Variants in KCNJ3 observed in about 807,000 individuals in gnomAD.
KCNJ3 encodes potassium inwardly rectifying channel subfamily J member 3, also known as G protein-activated inward rectifier potassium channel 1.
In KCNJ3, 4 loss-of-function variants were observed where a neutral mutation model predicts 39.2. That is an observed-to-expected ratio of 0.10 (90% confidence interval 0.05 to 0.23). KCNJ3 has a LOEUF of 0.23. KCNJ3 is among the 10% of genes least tolerant of loss of function. The pLI is 1.00. For missense variants in KCNJ3, 276 were observed against 634.9 expected (o/e 0.43, Z 6.08); for synonymous variants, 230 against 237.4 (o/e 0.97, Z 0.29).
intron 2 of KCNJ3, among the ~76,000 whole-genome samples, chr2:154,724,917 G>GTATATATGTATATATATATATATA (rs1685325513): frequency 8.6e-6 from 1 of 116,316 alleles, no homozygotes; most frequent in African/African-American, 3.5e-5. Context: ...TACATATGAG[G>GTATATATGTATATATATATATATA]TATATATATA....
chr2:154,773,585 C>T (rs1185479512), intron 2 of KCNJ3, among the ~76,000 whole-genome samples: 1 of 152,070 alleles, frequency 6.6e-6, no homozygotes, highest in Non-Finnish European at 1.5e-5. Flanking sequence ...GACGATTAAG[C>T]CAGTGTCATG....
chr2:154,824,768 A>C (rs745331606), intron 2 of KCNJ3, among the ~76,000 whole-genome samples: 2 of 152,188 alleles, frequency 1.3e-5, no homozygotes, highest in Non-Finnish European at 2.9e-5. Flanking sequence ...CCAGAAGAAA[A>C]GAATGTTGCA....
chr2:154,752,815 A>T (rs1336513421), intron 2 of KCNJ3, among the ~76,000 whole-genome samples: 2 of 152,092 alleles, frequency 1.3e-5, no homozygotes, highest in Non-Finnish European at 1.5e-5. Context: ...GAACACTATA[A>T]GTAAAGGAAG....
Position 154,699,631 on chromosome 2 carries a change from C to A in KCNJ3, c.702+154C>A. 1 of 654,840 alleles carries A rather than the reference C, an allele frequency of 1.5e-6. No individual in the cohort carries two copies. The highest frequency in any genetic ancestry group is 1.9e-6 in the Non-Finnish European group (1 of 527,840). 40.6% of individuals were successfully genotyped at this position (654,840 alleles called of 1,614,324 possible). Reference sequence around the variant, plus strand: ...GGGGGTTGGGGGTTGGAGGACTGGGCAAAGAATGCGGTTGACAGTTCTGTT... The same window carrying A: ...GGGGGTTGGGGGTTGGAGGACTGGGAAAAGAATGCGGTTGACAGTTCTGTT... On this transcript the variant is annotated intron_variant, in intron 1 of 2. Coordinates refer to ENST00000295101, the MANE Select transcript of KCNJ3 (RefSeq NM_002239.4). The surrounding 1 kb of genome is among the most constrained non-coding windows in gnomAD (Gnocchi z 6.4).
intron 2 of KCNJ3, among the ~76,000 whole-genome samples, chr2:154,774,269 T>G (rs1686292904): frequency 6.6e-6 from 1 of 152,120 alleles, no homozygotes; most frequent in Non-Finnish European, 1.5e-5. Flanking sequence ...TTTATTCAAA[T>G]AAAAACCAAT....
rs561126895 is a variant in KCNJ3, at chr2:154,799,469, G to A, written c.920-55258G>A. On this transcript the variant is annotated intron_variant, in intron 2 of 2. Coordinates refer to ENST00000295101, the MANE Select transcript of KCNJ3 (RefSeq NM_002239.4). Reference sequence around the variant, plus strand: ...CAATTCCTGATAGAATGCTGAGGAAGGAGGAGGGGTGGTGGGGTCTAGGGT... The same window carrying A: ...CAATTCCTGATAGAATGCTGAGGAAAGAGGAGGGGTGGTGGGGTCTAGGGT... 2.6e-5 allele frequency among the ~76,000 whole-genome samples: 4 copies of A among 152,298 alleles called. No homozygotes were observed. The East Asian group carries it at 7.7e-4, about 29-fold the overall frequency.
intron 2 of KCNJ3, among the ~76,000 whole-genome samples, chr2:154,792,598 T>C (rs1157033600): frequency 6.6e-6 from 1 of 152,098 alleles, no homozygotes; most frequent in African/African-American, 2.4e-5. Flanking sequence ...TTCAACAGAC[T>C]CCTCTTAGGA....
chr2:154,771,220 A>G (rs139376607), intron 2 of KCNJ3, among the ~76,000 whole-genome samples: 4 of 152,226 alleles, frequency 2.6e-5, no homozygotes, highest in African/African-American at 9.6e-5. Context: ...GTTATTTGTT[A>G]AAGGAAATTT....
At chr2:154,722,332 G>A (rs966479094) in intron 2 of KCNJ3, among the ~76,000 whole-genome samples, 10 of 152,164 alleles carry the variant, frequency 6.6e-5, no homozygotes, top group Admixed American at 2.6e-4. Flanking sequence ...GCAGTGATGA[G>A]TAGTGTAAAT....
At chr2:154,757,026 A>G (rs1037573863) in intron 2 of KCNJ3, among the ~76,000 whole-genome samples, 14 of 152,070 alleles carry the variant, frequency 9.2e-5, no homozygotes, top group African/African-American at 3.4e-4. Flanking sequence ...TAACTTCACA[A>G]TTCACTAGAA....
chr2:154,742,687 A>G (rs949941392), intron 2 of KCNJ3, among the ~76,000 whole-genome samples: 2 of 151,794 alleles, frequency 1.3e-5, no homozygotes, highest in Non-Finnish European at 2.9e-5. Flanking sequence ...AAAAATGTCT[A>G]TTCAAGTTCT....
rs544533898 is a variant in KCNJ3, at chr2:154,834,720, C to T, written c.920-20007C>T. Among the ~76,000 whole-genome samples the T allele has an allele frequency of 2.3e-4, 35 of 150,656 alleles. No homozygotes were observed. The Middle Eastern group carries it at 0.01, about 44-fold the overall frequency. On this transcript the variant is annotated intron_variant, in intron 2 of 2. Transcript: ENST00000295101. ...CCCGCCTGGGTGACAGAGCGAGACT[C>T]CATCTCAAAAAATAAAATAAAATAA...
At chr2:154,712,868 C>G (rs180862342) in intron 2 of KCNJ3, among the ~76,000 whole-genome samples, 181 of 152,106 alleles carry the variant, frequency 1.2e-3, no homozygotes, top group Non-Finnish European at 2.4e-3. Context: ...TAGGGAAGGT[C>G]TGAAGAGGGG....
At chr2:154,854,609 C>A in intron 2 of KCNJ3, 118 bp from the exon 3 acceptor site, 1 of 654,574 alleles carries the variant, frequency 1.5e-6, no homozygotes, top group South Asian at 2.2e-5. Flanking sequence ...ATTATTCGGG[C>A]TTCAGATAAA....
At chr2:154,850,098 C>T (rs1687734196) in intron 2 of KCNJ3, among the ~76,000 whole-genome samples, 1 of 123,194 alleles carries the variant, frequency 8.1e-6, no homozygotes, top group Non-Finnish European at 1.6e-5. Flanking sequence ...CCAGTAGCAG[C>T]ATCTGTTGCT....
intron 2 of KCNJ3, among the ~76,000 whole-genome samples, chr2:154,845,303 G>A (rs1291015317): frequency 6.6e-6 from 1 of 151,848 alleles, no homozygotes; most frequent in Admixed American, 6.6e-5. Context: ...ATTTTTAGTA[G>A]AAATGGGGTT....
intron 2 of KCNJ3, among the ~76,000 whole-genome samples, chr2:154,761,608 C>T (rs1686047903): frequency 6.6e-6 from 1 of 152,092 alleles, no homozygotes; most frequent in South Asian, 2.1e-4. Context: ...TTTTATTATG[C>T]TTTCTAGGAG....
intron 1 of KCNJ3, among the ~76,000 whole-genome samples, chr2:154,707,568 A>G (rs1231581731): frequency 2.0e-5 from 3 of 152,130 alleles, no homozygotes; most frequent in Non-Finnish European, 4.4e-5. Flanking sequence ...AAGGAAGACA[A>G]ATTTTAATAT....
rs566182130 is a variant in KCNJ3 at position 154,755,124 on chromosome 2, C to T, written c.919+45305C>T. Reference sequence around the variant, plus strand: ...TGTAATTGGAAATGTGTATTTTTAACCTTTTTCTTCCCATCAGCATTGCTA... The same window carrying T: ...TGTAATTGGAAATGTGTATTTTTAATCTTTTTCTTCCCATCAGCATTGCTA... On this transcript the variant is annotated intron_variant, in intron 2 of 2. Transcript: ENST00000295101. 9.9e-5 allele frequency among the ~76,000 whole-genome samples: 15 copies of T among 152,088 alleles called. No individual in the cohort carries two copies. In the East Asian group the frequency reaches 2.7e-3, roughly 27 times the overall value.
Sources: gnomAD v4.1 joint callset for allele counts (sites outside exome capture counted in the v4.1 genomes callset) on GRCh38, gnomAD v4.1.1 for gene constraint, Gnocchi (gnomAD v3.1) non-coding constraint, MANE v1.5 for transcripts, NCBI Gene and HGNC (gene_info 2026-07-23, HGNC 2026-07-21) for gene names.